The following ZNF16 variants were observed in gnomAD, a reference collection of about 807,000 sequenced individuals.
ZNF16 encodes zinc finger protein KOX9.
Under a neutral mutation model 9.0 loss-of-function variants are expected in ZNF16, and 7 were observed. The observed-to-expected ratio is 0.78, with a 90% CI of 0.44 to 1.47. ZNF16 has a LOEUF of 1.47. ZNF16 is among the 40% of genes most tolerant of loss of function. The pLI is 0.01. For missense variants in ZNF16, 830 were observed against 854.2 expected, an observed-to-expected ratio of 0.97 and a Z score of 0.35; for synonymous variants, 312 against 301.5, an observed-to-expected ratio of 1.03 and a Z score of -0.36.
At chr8:144,934,048 T>G (rs1163193547) in intron 2 of ZNF16, among the ~76,000 whole-genome samples, 1 of 152,188 alleles carries the variant, frequency 6.6e-6, no homozygotes, top group Non-Finnish European at 1.5e-5. Flanking sequence ...TCCCTGCCTC[T>G]CCCTGTCTGG....
At chr8:144,950,198 T>C (rs967499501) in intron 1 of ZNF16, among the ~76,000 whole-genome samples, 2 of 152,132 alleles carry the variant, frequency 1.3e-5, no homozygotes, top group East Asian at 1.9e-4. Context: ...ACATGCTTTT[T>C]TTTGCTGACC....
At chr8:144,950,306 CGGTGCA>C (rs1834077116) in intron 1 of ZNF16, 1 of 152,218 alleles carries the variant, frequency 6.6e-6, no homozygotes. Flanking sequence ...AGACCGGTGC[CGGTGCA>C]GGTCCTTAGT....
At chr8:144,942,867 A>C (rs1384890101) in intron 2 of ZNF16, among the ~76,000 whole-genome samples, 1 of 152,252 alleles carries the variant, frequency 6.6e-6, no homozygotes, top group African/African-American at 2.4e-5. Context: ...AACTTAATAC[A>C]AAGTGTACTT....
At chr8:144,949,796 A>G (rs1449028239) in intron 1 of ZNF16, among the ~76,000 whole-genome samples, 1 of 152,208 alleles carries the variant, frequency 6.6e-6, no homozygotes, top group African/African-American at 2.4e-5. Flanking sequence ...GTATTGTCCA[A>G]GATTTGTCCC....
rs1009090614 is a variant in ZNF16 at position 144,932,662 on chromosome 8, T to C, written c.197-72A>G. The C allele has an allele frequency of 6.5e-5, 98 of 1,518,856 alleles. No homozygotes were observed. Among genetic ancestry groups the C allele is most frequent in the Non-Finnish European group, 7.8e-5 (87 of 1,119,746 alleles). 94.1% of individuals were successfully genotyped at this position (1,518,856 alleles called of 1,614,324 possible). ...GAGCAGGAACATAGACAGTCACAGT[T>C]GCACCCACTAACTGTGGAGGAGGCA... is the stretch of plus-strand genomic sequence containing the variant. On this transcript the variant is annotated intron_variant, in intron 2 of 2. Coordinates refer to ENST00000394909, the MANE Select transcript of ZNF16 (RefSeq NM_006958.3). The surrounding 1 kb of genome is among the most constrained non-coding windows in gnomAD (Gnocchi z 5.0).
At chr8:144,944,380 TGAGCCACCGTGGTGCTGGGTTACAGGC>T (rs1833877848) in intron 2 of ZNF16, 3 of 152,302 alleles carry the variant, frequency 2.0e-5, no homozygotes, top group African/African-American at 4.8e-5. Flanking sequence ...GTTACAGGCG[TGAGCCACCGTGGTGCTGGGTTACAGGC>T]GTGAGCCACC....
chr8:144,950,180 T>G (rs117776484), intron 1 of ZNF16, among the ~76,000 whole-genome samples: 1 of 152,170 alleles, frequency 6.6e-6, no homozygotes, highest in Non-Finnish European at 1.5e-5. Context: ...GCACAGATTC[T>G]TTTGCTCACA....
Position 144,932,217 on chromosome 8 carries a change from G to C in ZNF16, c.570C>G (p.Phe190Leu), listed in dbSNP as rs778081817. 4 of 1,614,202 alleles carry C rather than the reference G, an allele frequency of 2.5e-6. No individual in the cohort carries two copies. The highest frequency in any genetic ancestry group is 2.5e-6 in the Non-Finnish European group (3 of 1,180,042). ...PHPYDMGGQS[F>L]QHSVDLTGHE... The stretch of plus-strand genomic sequence containing the variant: ...GACCAGTTAGGTCCACACTGTGCTG[G>C]AAACTCTGGCCACCCATGTCATATG... The change falls in exon 3 of 3, where the codon TTC becomes TTG. Residue 190 changes from phenylalanine to leucine, a missense_variant. Coordinates refer to ENST00000394909, the MANE Select transcript of ZNF16 (RefSeq NM_006958.3). This position sits in a 1 kb window ranked among gnomAD's most constrained non-coding sequence, Gnocchi z 5.0.
Position 144,946,058 on chromosome 8 carries a change from C to T in ZNF16, c.149G>A (p.Cys50Tyr), listed in dbSNP as rs778070822. Residue 50 changes from cysteine to tyrosine, a missense_variant, in exon 2 of 3, where the codon TGT becomes TAT. Transcript: ENST00000394909. ...PGSAACGTPCCSDTELEAICP... is the reference protein window; with the variant it reads ...PGSAACGTPCYSDTELEAICP... ...GATGGCTTCCAGCTCAGTATCACTA[C>T]AGCAGGGGGTACCACAGGCTGCAGA... 4 of 1,613,632 alleles carry T rather than the reference C, an allele frequency of 2.5e-6. No homozygotes were observed. Among genetic ancestry groups the T allele is most frequent in the Admixed American group, 3.3e-5 (2 of 59,992 alleles).
chr8:144,944,436 C>CGTGAGCCACCGTGGTGCTGGGTTACAGGT lies in ZNF16; in HGVS notation c.196+1546_196+1574dup, dbSNP rs1267716200. ...AGCCACCGTGGTGCTGGGTTACAGG[C>CGTGAGCCACCGTGGTGCTGGGTTACAGGT]GTGAGCCACCGTGGTGCTGGGTTAC... is the stretch of plus-strand genomic sequence containing the variant. On this transcript the variant is annotated intron_variant, in intron 2 of 2. Transcript: ENST00000394909. The CGTGAGCCACCGTGGTGCTGGGTTACAGGT allele has an allele frequency of 1.4e-5, 2 of 142,088 alleles. 1 individual carries two copies. The highest frequency in any genetic ancestry group is 1.4e-4 in the Admixed American group (2 of 14,620). The allele number at this position is 142,088 out of a possible 1,614,324, so 8.8% of individuals were successfully genotyped here.
chr8:144,936,097 G>C (rs956081322), intron 2 of ZNF16, among the ~76,000 whole-genome samples: 1 of 152,092 alleles, frequency 6.6e-6, no homozygotes, highest in African/African-American at 2.4e-5. Flanking sequence ...TCTCCCTCCA[G>C]GCCCTGGCAA....
At chr8:144,946,510 C>T (rs1408744379) in intron 1 of ZNF16, among the ~76,000 whole-genome samples, 1 of 151,020 alleles carries the variant, frequency 6.6e-6, no homozygotes, top group East Asian at 2.0e-4. Context: ...AGGGCAGCCC[C>T]CACAGGGTCT....
chr8:144,946,979 T>C (rs1249731160), intron 1 of ZNF16, among the ~76,000 whole-genome samples: 3 of 114,734 alleles, frequency 2.6e-5, no homozygotes, highest in East Asian at 2.9e-4. Context: ...TGTGGGCCTG[T>C]GTCCTGCTGT....
intron 1 of ZNF16, 100 bp downstream of exon 1, chr8:144,950,697 G>C (rs1480739348): frequency 7.6e-6 from 1 of 131,894 alleles, no homozygotes; most frequent in Non-Finnish European, 1.6e-5. Context: ...CTCGCTGCCC[G>C]CCCCGTCTGA....
Position 144,931,996 on chromosome 8 carries a change from G to A in ZNF16, c.791C>T (p.Ala264Val), listed in dbSNP as rs1339557157. The A allele has an allele frequency of 1.2e-6, 2 of 1,614,186 alleles. No individual in the cohort carries two copies. The highest frequency in any genetic ancestry group is 1.7e-6 in the Non-Finnish European group (2 of 1,180,034). Reference protein sequence around the residue: ...NRHRSHMSEKAYQCSECGKAF... With the variant: ...NRHRSHMSEKVYQCSECGKAF... ...TTTCCCACATTCGCTGCACTGGTAA[G>A]CTTTCTCACTCATATGAGATCGATG... is the stretch of plus-strand genomic sequence containing the variant. The change falls in exon 3 of 3, where the codon GCT (alanine) becomes GTT (valine). Residue 264 changes from alanine to valine, a missense_variant. Coordinates refer to ENST00000394909, the MANE Select transcript of ZNF16 (RefSeq NM_006958.3).
Position 144,932,147 on chromosome 8 carries a change from A to G in ZNF16, c.640T>C (p.Cys214Arg), listed in dbSNP as rs1169276383. The G allele has an allele frequency of 4.3e-6, 7 of 1,614,136 alleles. No individual in the cohort carries two copies. Among genetic ancestry groups the G allele is most frequent in the East Asian group, 2.2e-5 (1 of 44,878 alleles). ...GGATTTCCTTGGAAGGTTTTCCCAC[A>G]CTCATTACATATGAGTGGACTTTCA... ...TAESPLICNE[C>R]GKTFQGNPDL... The change falls in exon 3 of 3, where the codon TGT (cysteine) becomes CGT (arginine). Residue 214 changes from cysteine (C) to arginine (R), a missense_variant. Physicochemically the swap from Cys to Arg is radical, Grantham distance 180 (BLOSUM62 -3). Coordinates refer to ENST00000394909, the MANE Select transcript of ZNF16 (RefSeq NM_006958.3). The surrounding 1 kb of genome is among the most constrained non-coding windows in gnomAD (Gnocchi z 5.0).
chr8:144,945,491 C>G (rs1161821776), intron 2 of ZNF16: 1 of 152,404 alleles, frequency 6.6e-6, no homozygotes, highest in Non-Finnish European at 1.5e-5. Flanking sequence ...CTGGCTGGTC[C>G]TGAACTCCTG....
chr8:144,939,690 G>C lies in ZNF16; in HGVS notation c.196+6321C>G, dbSNP rs79557249. Among the ~76,000 whole-genome samples, 942 of 150,690 alleles carry C rather than the reference G, an allele frequency of 6.3e-3. 12 individuals are homozygous for C. Among genetic ancestry groups the C allele is most frequent in the African/African-American group, 0.021 (875 of 41,006 alleles). ...CTAACTCAATCTCTGTTAGAGGTCTGTTCTGATTTTCTACCTATGCTTGAG... is the reference window on the plus strand; with the variant it reads ...CTAACTCAATCTCTGTTAGAGGTCTCTTCTGATTTTCTACCTATGCTTGAG... On this transcript the variant is annotated intron_variant, in intron 2 of 2. Coordinates refer to ENST00000394909, the MANE Select transcript of ZNF16 (RefSeq NM_006958.3).
intron 2 of ZNF16, among the ~76,000 whole-genome samples, chr8:144,939,255 TCTC>T (rs1360221867): frequency 2.0e-5 from 3 of 152,188 alleles, no homozygotes; most frequent in African/African-American, 4.8e-5. Context: ...GAAAGTGTTC[TCTC>T]CTCCTTTGCA....
Sources: allele counts gnomAD v4.1 joint callset (sites outside exome capture counted in the v4.1 genomes callset), GRCh38; gene constraint gnomAD v4.1.1; non-coding constraint Gnocchi (gnomAD v3.1); transcripts MANE v1.5; gene names NCBI Gene and HGNC (gene_info 2026-07-23, HGNC 2026-07-21).